Variants in COLEC10 observed in about 807,000 individuals in gnomAD.
COLEC10 encodes the protein collectin subfamily member 10, also known as collectin-10.
COLEC10 carries 22 observed loss-of-function variants against 28.4 expected under a neutral mutation model. The observed-to-expected ratio is 0.78, with a 90% CI of 0.55 to 1.11. The LOEUF (loss-of-function observed/expected upper bound fraction) is 1.11. Among genes scored for constraint, COLEC10 ranks in the 50% least tolerant of loss-of-function variants. The pLI is 0.00. For missense variants in COLEC10, 361 were observed against 344.1 expected, an observed-to-expected ratio of 1.05 and a Z score of -0.39; for synonymous variants, 125 against 116.1, an observed-to-expected ratio of 1.08 and a Z score of -0.49.
At chr8:119,039,877 A>G (rs560305372) in intron 2 of COLEC10, among the ~76,000 whole-genome samples, 2 of 152,288 alleles carry the variant, frequency 1.3e-5, no homozygotes, top group South Asian at 4.1e-4. Context: ...CTTGTAGACA[A>G]TCCGGGATAA....
At chr8:119,000,153 G>A (rs1156368260) in intron 1 of COLEC10, among the ~76,000 whole-genome samples, 1 of 152,176 alleles carries the variant, frequency 6.6e-6, no homozygotes, top group Non-Finnish European at 1.5e-5. Context: ...GAAAGGCAGA[G>A]TGTGCAGATT....
the COLEC10 span, among the ~76,000 whole-genome samples, chr8:118,952,945 CAG>C: frequency 6.6e-6 from 1 of 152,184 alleles, no homozygotes; most frequent in Non-Finnish European, 1.5e-5. Flanking sequence ...AAAGTCCCTG[CAG>C]AGCTGCTTCC....
At chr8:118,990,144 T>A in the COLEC10 span, among the ~76,000 whole-genome samples, 2 of 152,062 alleles carry the variant, frequency 1.3e-5, no homozygotes, top group Non-Finnish European at 2.9e-5. Flanking sequence ...CTGTATTACA[T>A]CTCTACTGAA....
the COLEC10 span, among the ~76,000 whole-genome samples, chr8:118,971,493 C>T: frequency 2.1e-4 from 32 of 151,992 alleles, no homozygotes; most frequent in South Asian, 4.4e-3. Context: ...AATTTTTTAA[C>T]GGGAACATGA....
intron 1 of COLEC10, among the ~76,000 whole-genome samples, chr8:119,076,682 A>C (rs1815245155): frequency 1.3e-5 from 2 of 152,250 alleles, no homozygotes; most frequent in Admixed American, 6.5e-5. Context: ...ACATTGTAGC[A>C]TTGAGTGCAG....
chr8:119,041,361 A>G (rs1326276933), intron 2 of COLEC10, among the ~76,000 whole-genome samples: 2 of 152,202 alleles, frequency 1.3e-5, no homozygotes, highest in East Asian at 3.8e-4. Context: ...AAATAACAAC[A>G]TTTCCTCTAG....
chr8:119,035,577 A>G (rs995962435), intron 2 of COLEC10, among the ~76,000 whole-genome samples: 3 of 152,112 alleles, frequency 2.0e-5, no homozygotes, highest in Non-Finnish European at 4.4e-5. Context: ...CTGAAAAGAC[A>G]ATTTTCTTCT....
chr8:119,035,923 C>T (rs59257995), intron 2 of COLEC10, among the ~76,000 whole-genome samples: 5,703 of 152,088 alleles, frequency 0.037, 141 homozygotes, highest in East Asian at 0.12. Context: ...TTTAAGGTAC[C>T]AGTGTTGTTT....
chr8:118,963,099 A>G, the COLEC10 span, among the ~76,000 whole-genome samples: 3,026 of 152,286 alleles, frequency 0.02, 97 homozygotes, highest in African/African-American at 0.067. Flanking sequence ...GGGTCTGGCA[A>G]GTCAAGGTGG....
the COLEC10 span, among the ~76,000 whole-genome samples, chr8:118,960,276 GAA>G: frequency 6.6e-6 from 1 of 152,272 alleles, no homozygotes; most frequent in South Asian, 2.1e-4. Context: ...AAAGGGCTAA[GAA>G]AAAGCATGGA....
intron 3 of COLEC10, among the ~76,000 whole-genome samples, chr8:119,093,608 A>G (rs1815654677): frequency 6.6e-6 from 1 of 152,200 alleles, no homozygotes; most frequent in South Asian, 2.1e-4. Flanking sequence ...TAAAATTTGT[A>G]AAGTAAGACA....
chr8:119,017,211 T>C (rs1814010450), intron 2 of COLEC10, among the ~76,000 whole-genome samples: 1 of 152,172 alleles, frequency 6.6e-6, no homozygotes, highest in African/African-American at 2.4e-5. Flanking sequence ...GATTAGTAGA[T>C]TCGATATCTG....
chr8:119,068,975 T>C (rs1197354246), intron 1 of COLEC10, among the ~76,000 whole-genome samples: 1 of 151,856 alleles, frequency 6.6e-6, no homozygotes, highest in Non-Finnish European at 1.5e-5. Flanking sequence ...AAATTCTTAA[T>C]AAAATTTAAT....
chr8:119,003,238 A>G (rs2130067279), intron 1 of COLEC10, among the ~76,000 whole-genome samples: 1 of 152,222 alleles, frequency 6.6e-6, no homozygotes, highest in African/African-American at 2.4e-5. Context: ...TTAAGAGTGT[A>G]CTCAATAAGA....
chr8:119,002,080 C>T (rs527486000), intron 1 of COLEC10, among the ~76,000 whole-genome samples: 14 of 152,156 alleles, frequency 9.2e-5, no homozygotes, highest in Non-Finnish European at 1.3e-4. Context: ...AGAAAGCAAT[C>T]TGTCTAGTTA....
chr8:119,058,053 C>A (rs1814793041), intron 2 of COLEC10, among the ~76,000 whole-genome samples: 1 of 151,898 alleles, frequency 6.6e-6, no homozygotes, highest in African/African-American at 2.4e-5. Context: ...GCCTCAACTG[C>A]CAAGACATTA....
intron 2 of COLEC10, among the ~76,000 whole-genome samples, chr8:119,052,073 G>C (rs757462978): frequency 6.6e-6 from 1 of 152,086 alleles, no homozygotes; most frequent in Non-Finnish European, 1.5e-5. Context: ...TGAGTACCTG[G>C]TGATAGAAAA....
chr8:119,104,014 C>T, intron 5 of COLEC10, 119 bp downstream of exon 5: 1 of 734,616 alleles, frequency 1.4e-6, no homozygotes, highest in African/African-American at 1.8e-5. Context: ...GATAGTGTCA[C>T]CAGTTTAAGG....
chr8:119,085,698 A>G (rs1444740229), intron 1 of COLEC10, among the ~76,000 whole-genome samples: 1 of 147,358 alleles, frequency 6.8e-6, no homozygotes, highest in Non-Finnish European at 1.5e-5. Flanking sequence ...CACAAACTGC[A>G]ACCTCTGCCT....
Sources: gnomAD v4.1 joint callset for allele counts (sites outside exome capture counted in the v4.1 genomes callset) on GRCh38, gnomAD v4.1.1 for gene constraint, MANE v1.5 for transcripts, NCBI Gene and HGNC (gene_info 2026-07-23, HGNC 2026-07-21) for gene names.